Variants in STAC observed in about 807,000 individuals in gnomAD.
The protein encoded by STAC is SH3 and cysteine rich domain, also known as SH3 and cysteine-rich domain-containing protein.
STAC carries 43 observed loss-of-function variants against 48.8 expected under a neutral mutation model. That is an observed-to-expected ratio of 0.88 (90% CI 0.69 to 1.14). The LOEUF (loss-of-function observed/expected upper bound fraction) is 1.14, where lower values mean the gene tolerates loss of function less well. STAC is among the 50% of genes most tolerant of loss of function. The pLI is 0.00. For missense variants in STAC, 497 were observed against 504.0 expected, an observed-to-expected ratio of 0.99 and a Z score of 0.13; for synonymous variants, 193 against 179.5, an observed-to-expected ratio of 1.07 and a Z score of -0.60.
intron 1 of STAC, among the ~76,000 whole-genome samples, chr3:36,395,447 T>A (rs1187028474): frequency 6.6e-6 from 1 of 152,170 alleles, no homozygotes; most frequent in Admixed American, 6.5e-5. Flanking sequence ...TAGAAGTGTC[T>A]GTTTCCTCCT....
Position 36,546,206 on chromosome 3 carries a change from G to A in STAC, c.1126G>A (p.Glu376Lys), listed in dbSNP as rs1402485857. 2 of 1,613,888 alleles carry A rather than the reference G, an allele frequency of 1.2e-6. No homozygotes were observed. Among genetic ancestry groups the A allele is most frequent in the East Asian group, 2.2e-5 (1 of 44,842 alleles). The change falls in exon 11 of 11, where the codon GAA (glutamate) becomes AAA (lysine). Residue 376 changes from glutamate (E) to lysine (K), a missense_variant. Coordinates refer to ENST00000273183, the MANE Select transcript of STAC (RefSeq NM_003149.3). The stretch of plus-strand genomic sequence containing the variant: ...TGGCATTCAGATCTGCGTGAGTTCT[G>A]AAGAAGAACAAGATGGTTTTATCAG... ...LKENQICVSS[E>K]EEQDGFIRVL...
At chr3:36,470,684 T>C (rs988141347) in intron 2 of STAC, among the ~76,000 whole-genome samples, 2 of 152,352 alleles carry the variant, frequency 1.3e-5, no homozygotes, top group African/African-American at 2.4e-5. Flanking sequence ...TGGTAGTTCT[T>C]AGAGCAAAAG....
At chr3:36,383,157 G>A (rs1699549765) in intron 1 of STAC, among the ~76,000 whole-genome samples, 1 of 152,162 alleles carries the variant, frequency 6.6e-6, no homozygotes, top group African/African-American at 2.4e-5. Flanking sequence ...TATATCTCAT[G>A]TCTTTTTAAA....
At chr3:36,427,377 C>T (rs1473707392) in intron 1 of STAC, among the ~76,000 whole-genome samples, 2 of 152,304 alleles carry the variant, frequency 1.3e-5, no homozygotes, top group East Asian at 1.9e-4. Flanking sequence ...AATGCAGTGT[C>T]CCCTCTGGGC....
chr3:36,487,170 T>C (rs1008218245), intron 5 of STAC, among the ~76,000 whole-genome samples: 3 of 152,198 alleles, frequency 2.0e-5, no homozygotes, highest in South Asian at 2.1e-4. Flanking sequence ...AGCTTCCTCA[T>C]TGGGTGCAGG....
Position 36,546,336 on chromosome 3 carries a change from C to A in STAC, c.*47C>A. On this transcript the variant is annotated 3_prime_UTR_variant, in exon 11 of 11. Transcript: ENST00000273183. ...GCAGTAGGCAAGCTCTGCTGCGATGCCTCTGCCTCATCTCACACTGCGTCA... is the reference window on the plus strand; with the variant it reads ...GCAGTAGGCAAGCTCTGCTGCGATGACTCTGCCTCATCTCACACTGCGTCA... The A allele has an allele frequency of 6.6e-7, 1 of 1,523,564 alleles. No individual in the cohort carries two copies. The highest frequency in any genetic ancestry group is 9.1e-7 in the Non-Finnish European group (1 of 1,097,758). 94.4% of individuals were successfully genotyped at this position (1,523,564 alleles called of 1,614,324 possible).
intron 1 of STAC, among the ~76,000 whole-genome samples, chr3:36,409,178 CTA>C (rs1700142584): frequency 6.6e-6 from 1 of 152,138 alleles, no homozygotes; most frequent in Admixed American, 6.5e-5. Context: ...GACATATTTT[CTA>C]TAGTCTTCCA....
chr3:36,417,786 T>C (rs1028522246), intron 1 of STAC, among the ~76,000 whole-genome samples: 3 of 152,238 alleles, frequency 2.0e-5, no homozygotes, highest in Non-Finnish European at 4.4e-5. Flanking sequence ...TATGTGTTCC[T>C]TAACATTTTG....
At chr3:36,463,743 C>T (rs1697085682) in intron 2 of STAC, among the ~76,000 whole-genome samples, 2 of 147,832 alleles carry the variant, frequency 1.4e-5, no homozygotes, top group South Asian at 4.3e-4. Context: ...CAATTCCCAC[C>T]TATGAGTGAG....
chr3:36,397,327 G>A (rs1699875273), intron 1 of STAC, among the ~76,000 whole-genome samples: 1 of 152,068 alleles, frequency 6.6e-6, no homozygotes, highest in African/African-American at 2.4e-5. Context: ...TTAATGTGTT[G>A]ATCAGTTTAC....
At chr3:36,458,111 T>C (rs1459630279) in intron 2 of STAC, among the ~76,000 whole-genome samples, 1 of 152,158 alleles carries the variant, frequency 6.6e-6, no homozygotes, top group Non-Finnish European at 1.5e-5. Context: ...TTCACATTTT[T>C]AAAGGGTCCT....
In STAC at chr3:36,380,700, G is replaced by C. The variant is rs111306442; in HGVS notation, c.57G>C (p.Ala19=). 1 of 1,611,488 alleles carries C rather than the reference G, an allele frequency of 6.2e-7. No homozygotes were observed. The highest frequency in any genetic ancestry group is 8.5e-7 in the Non-Finnish European group (1 of 1,179,202). The change falls in exon 1 of 11, where the codon GCG becomes GCC. Residue 19 remains alanine (A), a synonymous_variant. Coordinates refer to ENST00000273183, the MANE Select transcript of STAC (RefSeq NM_003149.3). ...EDGVDGLPKE[A]VGAEQPPSPA... is the part of the protein sequence containing the mutation. ...GCGTGGACGGGCTGCCCAAGGAGGC[G>C]GTGGGCGCCGAGCAACCGCCCTCTC...
intron 1 of STAC, among the ~76,000 whole-genome samples, chr3:36,441,842 T>C (rs1461247045): frequency 2.0e-5 from 3 of 152,226 alleles, no homozygotes; most frequent in African/African-American, 7.2e-5. Flanking sequence ...TTAGTGATGT[T>C]GAACTTTTAA....
At chr3:36,414,955 G>A (rs1700285406) in intron 1 of STAC, among the ~76,000 whole-genome samples, 2 of 152,226 alleles carry the variant, frequency 1.3e-5, no homozygotes. Context: ...GTTTGCCTAG[G>A]TATCAGCAGT....
rs749169306 is a variant in STAC, at chr3:36,413,489, ATTACAACCCCTGC to A, written c.112-29872_112-29860del. ...AAAGTCTGTTTTATCAGAGACTAGG[ATTACAACCCCTGC>A]TTTTTTTTGTTTTCCATTTGCTTGG... On this transcript the variant is annotated intron_variant, in intron 1 of 10. Transcript: ENST00000273183. Among the ~76,000 whole-genome samples the A allele has an allele frequency of 9.2e-5, 14 of 152,246 alleles. No individual in the cohort carries two copies. The East Asian group carries it at 2.1e-3, about 23-fold the overall frequency.
At chr3:36,485,217 T>C (rs1697772816) in intron 4 of STAC, among the ~76,000 whole-genome samples, 159 bp downstream of exon 4, 2 of 152,246 alleles carry the variant, frequency 1.3e-5, no homozygotes, top group South Asian at 4.1e-4. Context: ...AAGGGAAACA[T>C]AAAGTGGACC....
At chr3:36,523,610 A>G (rs1334324345) in intron 8 of STAC, among the ~76,000 whole-genome samples, 1 of 152,240 alleles carries the variant, frequency 6.6e-6, no homozygotes, top group African/African-American at 2.4e-5. Context: ...GAGAATAACT[A>G]TTAAGCCAGA....
chr3:36,467,380 A>G (rs1228276985), intron 2 of STAC, among the ~76,000 whole-genome samples: 2 of 152,112 alleles, frequency 1.3e-5, no homozygotes, highest in East Asian at 3.9e-4. Context: ...GGGAGAATTT[A>G]CTGTTTCTCC....
intron 2 of STAC, among the ~76,000 whole-genome samples, chr3:36,470,374 A>C (rs561290793): frequency 2.4e-4 from 37 of 152,378 alleles, no homozygotes; most frequent in African/African-American, 8.9e-4. Flanking sequence ...ACCAGGCTCC[A>C]AGCTGGTACT....
Sources: gnomAD v4.1 joint callset for allele counts (sites outside exome capture counted in the v4.1 genomes callset) on GRCh38, gnomAD v4.1.1 for gene constraint, MANE v1.5 for transcripts, NCBI Gene and HGNC (gene_info 2026-07-23, HGNC 2026-07-21) for gene names.